LMX1A: variants seen among roughly 807,000 people sequenced by gnomAD.
LMX1A encodes LIM homeobox transcription factor 1-alpha.
In LMX1A, 15 loss-of-function variants were observed where a neutral mutation model predicts 49.1. That is an observed-to-expected ratio of 0.31 (90% CI 0.20 to 0.47). The LOEUF (loss-of-function observed/expected upper bound fraction) is 0.47. Ranked by LOEUF, LMX1A falls within the 20% of genes least tolerant of loss-of-function variation. The pLI is 1.00. For synonymous variants in LMX1A, 167 were observed against 185.7 expected (o/e 0.90, Z 0.82); for missense variants, 372 against 475.8 (o/e 0.78, Z 2.03).
At position 165,353,206 on chromosome 1, in the gene LMX1A, T is replaced by G. The variant is rs1164186079; in HGVS notation, c.133A>C (p.Arg45=). ...CEGCQRVILD[R]FLLRLNDSFW... ...CTGTCGTTGAGCCGCAGCAGAAACCTGTCCAAGATGACCCGCTGACAGCCC... is the reference window on the plus strand; with the variant it reads ...CTGTCGTTGAGCCGCAGCAGAAACCGGTCCAAGATGACCCGCTGACAGCCC... The change falls in exon 3 of 9, where the codon AGG becomes CGG. Residue 45 remains arginine (R), a synonymous_variant. Coordinates refer to ENST00000342310, the MANE Select transcript of LMX1A (RefSeq NM_177398.4). The G allele has an allele frequency of 2.5e-6, 4 of 1,613,904 alleles. No individual in the cohort carries two copies. In the South Asian group the frequency reaches 4.4e-5, roughly 18 times the overall value.
chr1:165,219,727 AG>A lies in LMX1A; in HGVS notation c.497-5915del, dbSNP rs1166568538. Among the ~76,000 whole-genome samples, 9 of 152,328 alleles carry A rather than the reference AG, an allele frequency of 5.9e-5. No homozygotes were observed. The South Asian group carries it at 1.7e-3, about 28-fold the overall frequency. On this transcript the variant is annotated intron_variant, in intron 4 of 8. Coordinates refer to ENST00000342310, the MANE Select transcript of LMX1A (RefSeq NM_177398.4). ...CAGACCAAAAACAGTTTCTGGTAAA[AG>A]ATTTGACTTGGAGTTCTTTCATTTA...
intron 3 of LMX1A, among the ~76,000 whole-genome samples, chr1:165,308,878 T>A (rs1306183683): frequency 6.6e-6 from 1 of 152,180 alleles, no homozygotes; most frequent in Non-Finnish European, 1.5e-5. Flanking sequence ...CTGCTCATCT[T>A]GAAAGCACCT....
intron 4 of LMX1A, among the ~76,000 whole-genome samples, chr1:165,227,402 A>G (rs978492373): frequency 2.0e-5 from 3 of 152,146 alleles, no homozygotes; most frequent in Admixed American, 6.5e-5. Flanking sequence ...TTAGCTGGGT[A>G]TGTTGGCACA....
chr1:165,221,621 G>T (rs1046631299), intron 4 of LMX1A, among the ~76,000 whole-genome samples: 3 of 152,160 alleles, frequency 2.0e-5, no homozygotes, highest in African/African-American at 7.2e-5. Flanking sequence ...GGACCGGGCA[G>T]GTCAGAGGCA....
intron 3 of LMX1A, among the ~76,000 whole-genome samples, chr1:165,275,702 G>C (rs752071649): frequency 6.6e-6 from 1 of 152,174 alleles, no homozygotes; most frequent in Non-Finnish European, 1.5e-5. Context: ...GGACTGGAAG[G>C]GGGCTGGTGG....
intron 3 of LMX1A, among the ~76,000 whole-genome samples, chr1:165,266,668 C>T (rs1402026697): frequency 1.6e-5 from 2 of 124,852 alleles, no homozygotes; most frequent in African/African-American, 6.0e-5. Flanking sequence ...GTGGCGCGAT[C>T]TTGGCTCACT....
At chr1:165,253,806 C>G (rs1417628143) in intron 3 of LMX1A, among the ~76,000 whole-genome samples, 1 of 152,084 alleles carries the variant, frequency 6.6e-6, no homozygotes, top group Non-Finnish European at 1.5e-5. Context: ...TATGATAGAG[C>G]CTGGAACTCC....
intron 3 of LMX1A, among the ~76,000 whole-genome samples, chr1:165,273,816 C>T (rs542849577): frequency 7.1e-4 from 108 of 152,196 alleles, no homozygotes; most frequent in African/African-American, 2.2e-3. Context: ...TTCAAGATGA[C>T]GGTGCAAGAG....
intron 3 of LMX1A, 64 bp downstream of exon 3, chr1:165,353,012 A>G: frequency 6.5e-7 from 1 of 1,543,084 alleles, no homozygotes; most frequent in East Asian, 2.2e-5. Flanking sequence ...GTAAAGGAGG[A>G]CAAAGTCCTC....
chr1:165,230,743 A>G (rs1411489367), intron 4 of LMX1A, among the ~76,000 whole-genome samples: 6 of 152,232 alleles, frequency 3.9e-5, no homozygotes, highest in African/African-American at 1.2e-4. Context: ...GTCACAGATA[A>G]GGAAAGGAGC....
intron 4 of LMX1A, among the ~76,000 whole-genome samples, chr1:165,242,944 AAAAC>A (rs1345614488): frequency 2.7e-5 from 4 of 149,748 alleles, no homozygotes; most frequent in African/African-American, 7.5e-5. Context: ...AAAAAAAAAA[AAAAC>A]AAAACAAAAA....
intron 3 of LMX1A, among the ~76,000 whole-genome samples, chr1:165,306,405 C>T (rs1289957287): frequency 6.6e-6 from 1 of 152,152 alleles, no homozygotes; most frequent in Non-Finnish European, 1.5e-5. Context: ...ATCTAAGTGG[C>T]TCTTGATCCA....
intron 3 of LMX1A, among the ~76,000 whole-genome samples, chr1:165,272,164 C>T (rs763425507): frequency 1.3e-5 from 2 of 152,124 alleles, no homozygotes; most frequent in Non-Finnish European, 2.9e-5. Flanking sequence ...CACCAAGGGG[C>T]TTGGTCCTCC....
intron 4 of LMX1A, among the ~76,000 whole-genome samples, chr1:165,223,639 G>A (rs187465954): frequency 1.3e-5 from 2 of 152,298 alleles, no homozygotes; most frequent in Admixed American, 1.3e-4. Flanking sequence ...CTCAGCTCCT[G>A]TCCATGGTAA....
rs1428030382 is a variant in LMX1A, at chr1:165,303,692, AGGCGGGTACT to A, written c.263+49374_263+49383del. On this transcript the variant is annotated intron_variant, in intron 3 of 8. Transcript: ENST00000342310. ...AGGGACGCAAAGCATGATGGGAAGTAGGCGGGTACTGGACAGGAATGTAAAGGGCCAAGGT... is the reference window on the plus strand; with the variant it reads ...AGGGACGCAAAGCATGATGGGAAGTAGGACAGGAATGTAAAGGGCCAAGGT... 5.3e-5 allele frequency among the ~76,000 whole-genome samples: 8 copies of A among 152,286 alleles called. 1 individual carries two copies. The highest frequency in any genetic ancestry group is 1.9e-4 in the African/African-American group (8 of 41,548).
At chr1:165,286,413 A>G (rs182163605) in intron 3 of LMX1A, among the ~76,000 whole-genome samples, 1 of 152,310 alleles carries the variant, frequency 6.6e-6, no homozygotes, top group East Asian at 1.9e-4. Context: ...GATGGACCAT[A>G]TATCAGCCTA....
intron 5 of LMX1A, among the ~76,000 whole-genome samples, chr1:165,212,400 C>G (rs1211326206): frequency 6.6e-6 from 1 of 152,180 alleles, no homozygotes; most frequent in Non-Finnish European, 1.5e-5. Context: ...AGCCTGGACC[C>G]TCGAATGATA....
chr1:165,255,292 C>A (rs150933822), intron 3 of LMX1A, among the ~76,000 whole-genome samples: 1 of 152,242 alleles, frequency 6.6e-6, no homozygotes, highest in Admixed American at 6.5e-5. Context: ...CCCTGCACCT[C>A]CTCTCACTCT....
intron 3 of LMX1A, among the ~76,000 whole-genome samples, chr1:165,250,563 CCTAT>C (rs1653020926): frequency 6.6e-6 from 1 of 152,190 alleles, no homozygotes; most frequent in Non-Finnish European, 1.5e-5. Context: ...ATAGATTCAG[CCTAT>C]CTCTCAAGAC....
Sources: gnomAD v4.1 joint callset for allele counts (sites outside exome capture counted in the v4.1 genomes callset) on GRCh38, gnomAD v4.1.1 for gene constraint, MANE v1.5 for transcripts, NCBI Gene and HGNC (gene_info 2026-07-23, HGNC 2026-07-21) for gene names.